The following MX1 variants were observed in gnomAD, a reference collection of about 807,000 sequenced individuals.
The protein encoded by MX1 is interferon-induced GTP-binding protein Mx1.
Under a neutral mutation model 66.4 loss-of-function variants are expected in MX1, and 66 were observed. That is an observed-to-expected ratio of 0.99 (90% CI 0.82 to 1.22). The LOEUF (loss-of-function observed/expected upper bound fraction) is 1.22, where lower values mean the gene tolerates loss of function less well. Among genes scored for constraint, MX1 ranks in the 50% most tolerant of loss-of-function variants. The pLI, the probability that MX1 is intolerant of heterozygous loss-of-function variation, is 0.00. For synonymous variants in MX1, 311 were observed against 318.1 expected, an observed-to-expected ratio of 0.98 and a Z score of 0.24; for missense variants, 787 against 834.3, an observed-to-expected ratio of 0.94 and a Z score of 0.70.
Position 41,441,601 on chromosome 21 carries a change from T to C in MX1, c.731-115T>C. 1 of 1,072,598 alleles carries C rather than the reference T, an allele frequency of 9.3e-7. No homozygotes were observed. The allele number at this position is 1,072,598 out of a possible 1,614,324, so 66.4% of individuals were successfully genotyped here. ...CCATGGTTCTGCAGGGGCTATGGCC[T>C]GTCCTCAAGCAAGGATGGGAGGAAA... On this transcript the variant is annotated intron_variant, in intron 9 of 16. Transcript: ENST00000398598. This position sits in a 1 kb window ranked among gnomAD's most constrained non-coding sequence, Gnocchi z 4.0.
chr21:41,424,727 T>G (rs2090029893), upstream of MX1, among the ~76,000 whole-genome samples: 1 of 152,158 alleles, frequency 6.6e-6, no homozygotes, highest in African/African-American at 2.4e-5. Context: ...CCCTTTCACC[T>G]TTGCAGTAAA....
rs188747052 is a variant in MX1 at position 41,446,074 on chromosome 21, G to T, written c.1206G>T (p.Arg402=). ...AAACTGTAGGGGAGGAAGACATTCG[G>T]CTGTTTACCAGACTCCGACACGAGT... ...GEETVGEEDI[R]LFTRLRHEFH... is the part of the protein sequence containing the mutation. Residue 402 remains arginine (R), a synonymous_variant, in exon 13 of 17, where the codon CGG becomes CGT. Coordinates refer to ENST00000398598, the MANE Select transcript of MX1 (RefSeq NM_002462.5). 1.5e-4 allele frequency: 248 copies of T among 1,614,146 alleles called. No individual in the cohort carries two copies. In the East Asian group the frequency reaches 3.9e-3, roughly 25 times the overall value.
chr21:41,442,197 T>G (rs759994427), intron 10 of MX1, among the ~76,000 whole-genome samples: 3 of 151,956 alleles, frequency 2.0e-5, no homozygotes, highest in Non-Finnish European at 2.9e-5. Flanking sequence ...AGCATGGTGC[T>G]GGAACCATAT....
At chr21:41,422,268 G>T (rs971072476), upstream of MX1, among the ~76,000 whole-genome samples, 1 of 152,192 alleles carries the variant, frequency 6.6e-6, no homozygotes, top group Non-Finnish European at 1.5e-5. Context: ...TCCCACCAGC[G>T]CATGACAGTT....
Position 41,458,943 on chromosome 21 carries a change from C to A in MX1, c.*185C>A. Reference sequence around the variant, plus strand: ...TTTGGTTTCTAGCATGAAGACAGAGCCCCACCCTCAGATGCACATGAGCTG... The same window carrying A: ...TTTGGTTTCTAGCATGAAGACAGAGACCCACCCTCAGATGCACATGAGCTG... On this transcript the variant is annotated 3_prime_UTR_variant, in exon 17 of 17. Coordinates refer to ENST00000398598, the MANE Select transcript of MX1 (RefSeq NM_002462.5). 1 of 1,060,916 alleles carries A rather than the reference C, an allele frequency of 9.4e-7. No individual in the cohort carries two copies. Among genetic ancestry groups the A allele is most frequent in the Non-Finnish European group, 1.3e-6 (1 of 759,922 alleles). 65.7% of individuals were successfully genotyped at this position (1,060,916 alleles called of 1,614,324 possible).
intron 1 of MX1, chr21:41,426,544 G>A (rs2090064523): frequency 6.6e-6 from 1 of 152,178 alleles, no homozygotes; most frequent in South Asian, 2.1e-4. Context: ...TCCTGCAGGA[G>A]AGGTTGGGAA....
chr21:41,429,546 C>T (rs1297303980), intron 3 of MX1: 1 of 152,054 alleles, frequency 6.6e-6, no homozygotes, highest in Admixed American at 6.6e-5. Context: ...CCTGGGATGC[C>T]CTGGGCACAT....
intron 6 of MX1, 57 bp downstream of exon 6, chr21:41,436,086 A>G: frequency 6.3e-7 from 1 of 1,583,762 alleles, no homozygotes; most frequent in Non-Finnish European, 8.6e-7. Flanking sequence ...AATACCACAG[A>G]CAGGGTGGCT....
chr21:41,451,740 C>T (rs1196726220), intron 15 of MX1, among the ~76,000 whole-genome samples: 1 of 150,404 alleles, frequency 6.6e-6, no homozygotes, highest in Admixed American at 6.7e-5. Flanking sequence ...GAGGCTGACA[C>T]TTTAGAATTG....
chr21:41,445,648 C>CT (rs1195638083), intron 12 of MX1, 78 bp downstream of exon 12: 1 of 1,583,350 alleles, frequency 6.3e-7, no homozygotes, highest in African/African-American at 1.4e-5. Flanking sequence ...TATGCACTTC[C>CT]TTCTTCACTC....
At chr21:41,439,995 T>A (rs1004110013) in intron 8 of MX1, 147 bp downstream of exon 8, 3 of 818,746 alleles carry the variant, frequency 3.7e-6, no homozygotes, top group Non-Finnish European at 5.4e-6. Flanking sequence ...GAGTGGGGAA[T>A]TTAGAGAGCC....
chr21:41,423,807 G>A (rs568911187), upstream of MX1, among the ~76,000 whole-genome samples: 12 of 152,264 alleles, frequency 7.9e-5, no homozygotes, highest in East Asian at 2.3e-3. Flanking sequence ...AAAATCTAAG[G>A]CCAGGGAAGG....
Position 41,435,996 on chromosome 21 carries a change from G to A in MX1, c.265G>A (p.Ala89Thr), listed in dbSNP as rs138975506. The A allele has an allele frequency of 2.8e-5, 45 of 1,614,094 alleles. No homozygotes were observed. In the African/African-American group the frequency reaches 5.7e-4, roughly 21 times the overall value. The change falls in exon 6 of 17, where the codon GCA becomes ACA. Residue 89 changes from alanine to threonine, a missense_variant. Transcript: ENST00000398598. ...CTCGGGCAAGAGCTCCGTGTTGGAG[G>A]CACTGTCAGGAGTTGCCCTTCCCAG... ...QSSGKSSVLE[A>T]LSGVALPRGS...
In MX1 at chr21:41,427,790, G is replaced by C. The variant is rs1244816599; in HGVS notation, c.-174G>C. 6 of 152,242 alleles carry C rather than the reference G, an allele frequency of 3.9e-5. No homozygotes were observed. The highest frequency in any genetic ancestry group is 1.4e-4 in the African/African-American group (6 of 41,452). 9.4% of individuals were successfully genotyped at this position (152,242 alleles called of 1,614,324 possible). On this transcript the variant is annotated 5_prime_UTR_variant, in exon 3 of 17. Transcript: ENST00000398598. ...GCCACACTGCGAGGAGATCGGTTCT[G>C]GGTCGGAGGCTACAGGAAGACTCCC...
At chr21:41,436,966 A>G in intron 6 of MX1, 49 bp from the exon 7 acceptor site, 1 of 1,606,572 alleles carries the variant, frequency 6.2e-7, no homozygotes, top group Non-Finnish European at 8.5e-7. Context: ...GGCGCTATGT[A>G]GGTCTTTTAA....
chr21:41,449,475 A>G (rs950615060), intron 14 of MX1, 180 bp downstream of exon 14: 9 of 582,680 alleles, frequency 1.5e-5, no homozygotes, highest in Admixed American at 1.4e-4. Flanking sequence ...GACACTAACT[A>G]CCCTCAGTCA....
intron 10 of MX1, 113 bp downstream of exon 10, chr21:41,442,027 G>A (rs1054234462): frequency 2.1e-5 from 19 of 894,598 alleles, no homozygotes; most frequent in East Asian, 1.0e-4. Flanking sequence ...GTGTGTGTGC[G>A]TGTGTGTGTG....
intron 4 of MX1, 31 bp from the exon 5 acceptor site, chr21:41,432,019 T>G: frequency 1.3e-6 from 2 of 1,585,616 alleles, no homozygotes; most frequent in Non-Finnish European, 1.7e-6. Flanking sequence ...CAGCTGCTTA[T>G]CTGTTCAATA....
Position 41,445,396 on chromosome 21 carries a change from A to G in MX1, c.1009-52A>G, listed in dbSNP as rs1180427483. On this transcript the variant is annotated intron_variant, in intron 11 of 16. Transcript: ENST00000398598. ...GAGGGAGGCCCGGGACCTCCTTTTC[A>G]TTCTCTGTTCATCTTTACACATTTC... The G allele has an allele frequency of 2.5e-6, 4 of 1,605,784 alleles. No individual in the cohort carries two copies. In the African/African-American group the frequency reaches 4.0e-5, roughly 16 times the overall value.
Sources: allele counts gnomAD v4.1 joint callset (sites outside exome capture counted in the v4.1 genomes callset), GRCh38; gene constraint gnomAD v4.1.1; non-coding constraint Gnocchi (gnomAD v3.1); transcripts MANE v1.5; gene names NCBI Gene and HGNC (gene_info 2026-07-23, HGNC 2026-07-21).